The following IGSF21 variants were observed in gnomAD, a reference collection of about 807,000 sequenced individuals.
IGSF21 encodes immunoglobin superfamily member 21.
A neutral mutation model predicts 46.8 loss-of-function variants in IGSF21; 28 were observed. That is an observed-to-expected ratio of 0.60 (90% CI 0.44 to 0.82). The LOEUF (loss-of-function observed/expected upper bound fraction) is 0.82, where lower values mean the gene tolerates loss of function less well. IGSF21 is among the 40% of genes least tolerant of loss of function. IGSF21 has a pLI of 0.00. For missense variants in IGSF21, 624 were observed against 665.5 expected, an observed-to-expected ratio of 0.94 and a Z score of 0.69; for synonymous variants, 284 against 273.6, an observed-to-expected ratio of 1.04 and a Z score of -0.38.
chr1:18,269,197 G>T (rs998076375), intron 2 of IGSF21, among the ~76,000 whole-genome samples: 1 of 152,326 alleles, frequency 6.6e-6, no homozygotes, highest in Admixed American at 6.5e-5. Flanking sequence ...GGATCCCATA[G>T]CATCTGCAGG....
chr1:18,290,819 C>A lies in IGSF21; in HGVS notation c.184-1047C>A, dbSNP rs1174989287. ...CCCAGCCCCTTGGAGTCACCCGTCCCTAGCCAGCCCCCTCCCTGCCCCTTT... is the reference window on the plus strand; with the variant it reads ...CCCAGCCCCTTGGAGTCACCCGTCCATAGCCAGCCCCCTCCCTGCCCCTTT... On this transcript the variant is annotated intron_variant, in intron 2 of 9. Coordinates refer to ENST00000251296, the MANE Select transcript of IGSF21 (RefSeq NM_032880.5). The surrounding 1 kb of genome is among the most constrained non-coding windows in gnomAD (Gnocchi z 4.2). 3.9e-5 allele frequency among the ~76,000 whole-genome samples: 6 copies of A among 152,074 alleles called. No homozygotes were observed. Among genetic ancestry groups the A allele is most frequent in the Non-Finnish European group, 7.4e-5 (5 of 68,024 alleles).
chr1:18,200,376 G>A (rs2087059145), intron 1 of IGSF21, among the ~76,000 whole-genome samples: 1 of 152,176 alleles, frequency 6.6e-6, no homozygotes, highest in African/African-American at 2.4e-5. Context: ...AGAAGTTATT[G>A]TTTCACACTT....
intron 1 of IGSF21, among the ~76,000 whole-genome samples, chr1:18,174,680 C>T (rs1220998642): frequency 6.6e-6 from 1 of 152,202 alleles, no homozygotes; most frequent in African/African-American, 2.4e-5. Flanking sequence ...ATCGCCTTCT[C>T]CCCCCAGGGA....
chr1:18,292,378 A>T (rs929023147), intron 3 of IGSF21, among the ~76,000 whole-genome samples: 25 of 152,252 alleles, frequency 1.6e-4, no homozygotes, highest in African/African-American at 6.0e-4. Flanking sequence ...TGGAAGCTCA[A>T]ACACCACATT....
At chr1:18,305,546 T>TG (rs1553162252) in intron 3 of IGSF21, among the ~76,000 whole-genome samples, 36 of 123,872 alleles carry the variant, frequency 2.9e-4, no homozygotes, top group South Asian at 9.2e-4. Context: ...GATGGATGGA[T>TG]GATGGATGGA....
intron 1 of IGSF21, among the ~76,000 whole-genome samples, chr1:18,128,663 A>G (rs920036746): frequency 1.3e-5 from 2 of 152,124 alleles, no homozygotes; most frequent in African/African-American, 2.4e-5. Context: ...GGTGGGCCCT[A>G]CTGTATTCTC....
chr1:18,191,858 C>A (rs889202740), intron 1 of IGSF21, among the ~76,000 whole-genome samples: 1 of 152,166 alleles, frequency 6.6e-6, no homozygotes, highest in African/African-American at 2.4e-5. Context: ...CCGGCTGCCT[C>A]AGCAGGTCTC....
At chr1:18,360,277 A>G (rs1218191859) in intron 4 of IGSF21, among the ~76,000 whole-genome samples, 2 of 152,144 alleles carry the variant, frequency 1.3e-5, no homozygotes, top group African/African-American at 4.8e-5. Context: ...ATGCGATCTT[A>G]CGCTTAATTA....
chr1:18,232,684 C>T (rs551256186), intron 2 of IGSF21, among the ~76,000 whole-genome samples: 1 of 152,284 alleles, frequency 6.6e-6, no homozygotes, highest in South Asian at 2.1e-4. Flanking sequence ...AATACCTGCC[C>T]CTGGACCATG....
chr1:18,260,499 C>A (rs968535034), intron 2 of IGSF21, among the ~76,000 whole-genome samples: 2 of 152,238 alleles, frequency 1.3e-5, no homozygotes. Context: ...AGGGCTACCC[C>A]ACAGGTAGTG....
intron 2 of IGSF21, among the ~76,000 whole-genome samples, chr1:18,230,135 T>C (rs1196467605): frequency 6.6e-6 from 1 of 152,214 alleles, no homozygotes. Context: ...TGGGCAATGC[T>C]AGTGCCAGGC....
chr1:18,313,910 T>G (rs906115545), intron 3 of IGSF21, among the ~76,000 whole-genome samples: 1 of 152,166 alleles, frequency 6.6e-6, no homozygotes, highest in Non-Finnish European at 1.5e-5. Context: ...GAAACAGTTT[T>G]GAAGCAGGGG....
chr1:18,108,224 G>A (rs776053289), intron 1 of IGSF21, 26 bp downstream of exon 1: 1 of 1,343,438 alleles, frequency 7.4e-7, no homozygotes, highest in South Asian at 1.9e-5. Flanking sequence ...CCTGGCGGGA[G>A]CCGAGCGGTG....
At chr1:18,161,315 A>G (rs1381318152) in intron 1 of IGSF21, among the ~76,000 whole-genome samples, 1 of 152,044 alleles carries the variant, frequency 6.6e-6, no homozygotes, top group East Asian at 1.9e-4. Flanking sequence ...TACCATCCCC[A>G]TGCCGCAGAG....
chr1:18,171,427 T>C (rs2086735698), intron 1 of IGSF21, among the ~76,000 whole-genome samples: 1 of 152,042 alleles, frequency 6.6e-6, no homozygotes, highest in Non-Finnish European at 1.5e-5. Context: ...GGTCCACGAT[T>C]CCTGGCAAGG....
At chr1:18,272,813 C>A (rs2085055584) in intron 2 of IGSF21, among the ~76,000 whole-genome samples, 1 of 152,148 alleles carries the variant, frequency 6.6e-6, no homozygotes, top group African/African-American at 2.4e-5. Context: ...CTTTAAAGAT[C>A]CCTCCCCCAG....
chr1:18,368,963 C>T (rs930685711), intron 6 of IGSF21, among the ~76,000 whole-genome samples: 1 of 152,214 alleles, frequency 6.6e-6, no homozygotes, highest in African/African-American at 2.4e-5. Context: ...CACATTAAAG[C>T]ACTTGCCTGC....
intron 2 of IGSF21, among the ~76,000 whole-genome samples, chr1:18,267,990 A>T (rs997074779): frequency 6.6e-6 from 1 of 152,232 alleles, no homozygotes; most frequent in African/African-American, 2.4e-5. Flanking sequence ...TCCTTGCTCT[A>T]TCTAGAACGA....
chr1:18,130,007 G>A (rs2086304241), intron 1 of IGSF21, among the ~76,000 whole-genome samples: 1 of 152,174 alleles, frequency 6.6e-6, no homozygotes, highest in Non-Finnish European at 1.5e-5. Flanking sequence ...AATTACCCAT[G>A]TTGTGATATT....
Sources: gnomAD v4.1 joint callset for allele counts (sites outside exome capture counted in the v4.1 genomes callset) on GRCh38, gnomAD v4.1.1 for gene constraint, Gnocchi (gnomAD v3.1) non-coding constraint, MANE v1.5 for transcripts, NCBI Gene and HGNC (gene_info 2026-07-23, HGNC 2026-07-21) for gene names.